Variants in GORASP2 observed in about 807,000 individuals in gnomAD.
GORASP2 encodes the protein Golgi reassembly-stacking protein 2.
In GORASP2, 22 loss-of-function variants were observed where a neutral mutation model predicts 45.7. The ratio of observed to expected loss-of-function variants is 0.48; its 90% CI spans 0.34 to 0.69. The LOEUF (loss-of-function observed/expected upper bound fraction) is 0.69, where lower values mean the gene tolerates loss of function less well. Ranked by LOEUF, GORASP2 falls within the 30% of genes least tolerant of loss-of-function variation. GORASP2 has a pLI of 0.01. For missense variants in GORASP2, 491 were observed against 562.7 expected, an observed-to-expected ratio of 0.87 and a Z score of 1.29; for synonymous variants, 221 against 215.6, an observed-to-expected ratio of 1.02 and a Z score of -0.22.
In GORASP2 at chr2:170,939,038, G is replaced by A. The variant is rs375767351; in HGVS notation, c.64-9312G>A. Among the ~76,000 whole-genome samples, 16 of 152,190 alleles carry A rather than the reference G, an allele frequency of 1.1e-4. 2 individuals carry two copies. Among genetic ancestry groups the A allele is most frequent in the Admixed American group, 7.2e-4 (11 of 15,282 alleles). On this transcript the variant is annotated intron_variant, in intron 1 of 9. Transcript: ENST00000234160. ...AGAGAAGTTAATCTGATTTGCCCAA[G>A]GTCACAGAGCAAGTTTTCTTTCCCT...
At chr2:170,930,629 A>G (rs369236942) in intron 1 of GORASP2, among the ~76,000 whole-genome samples, 26 of 152,002 alleles carry the variant, frequency 1.7e-4, no homozygotes, top group African/African-American at 5.8e-4. Context: ...CTCCTCTGCC[A>G]TACTCTTAGT....
At chr2:170,951,726 C>A in intron 5 of GORASP2, 1 of 202,928 alleles carries the variant, frequency 4.9e-6, no homozygotes, top group Non-Finnish European at 9.8e-6. Flanking sequence ...GCGCATAAGC[C>A]ATAATTATAG....
chr2:170,929,240 A>G (rs1414944240), upstream of GORASP2: 6 of 899,672 alleles, frequency 6.7e-6, no homozygotes, highest in South Asian at 3.5e-5. Context: ...GGCGGCAGCG[A>G]GTGCCACGTC....
Position 170,965,928 on chromosome 2 carries a change from C to A in GORASP2, c.1157C>A (p.Ser386Tyr). 2 of 1,613,886 alleles carry A rather than the reference C, an allele frequency of 1.2e-6. No homozygotes were observed. Among genetic ancestry groups the A allele is most frequent in the South Asian group, 1.1e-5 (1 of 91,070 alleles). Residue 386 changes from serine to tyrosine, a missense_variant, in exon 10 of 10, where the codon TCC becomes TAC. By Grantham distance (144) the Ser-to-Tyr change is moderately radical. Coordinates refer to ENST00000234160, the MANE Select transcript of GORASP2 (RefSeq NM_015530.5). The part of the protein sequence containing the change: ...SAASSGELLS[S>Y]LPPTSNAPSD... ...GCAAGCTCAGGAGAGCTGCTGTCTT[C>A]CCTCCCGCCCACCAGCAACGCACCC...
rs759996421 is a variant in GORASP2, at chr2:170,950,215, A to C, written c.360A>C (p.Ser120=). 6.4e-7 allele frequency: 1 copy of C among 1,553,778 alleles called. No individual in the cohort carries two copies. Among genetic ancestry groups the C allele is most frequent in the East Asian group, 2.3e-5 (1 of 43,536 alleles). ...TTATGTCATTCTAGGAGGTGGAATC[A>C]AATTCTCCTGCAGCACTGGCAGGTC... is the stretch of plus-strand genomic sequence containing the variant. ...ENVWHVLEVE[S]NSPAALAGLR... Residue 120 remains serine, a synonymous_variant, in exon 4 of 10, where the codon TCA becomes TCC. Transcript: ENST00000234160.
At chr2:170,954,415 T>C in intron 5 of GORASP2, 1 of 470,688 alleles carries the variant, frequency 2.1e-6, no homozygotes, top group Non-Finnish European at 3.8e-6. Context: ...ATATCCACAG[T>C]GGAGGGCAGG....
At chr2:170,947,081 T>C (rs571939666) in intron 1 of GORASP2, among the ~76,000 whole-genome samples, 17 of 152,358 alleles carry the variant, frequency 1.1e-4, no homozygotes, top group Non-Finnish European at 2.4e-4. Context: ...TTAAACCTTC[T>C]TGGAGTTATG....
chr2:170,956,100 T>C (rs1162334578), intron 6 of GORASP2, among the ~76,000 whole-genome samples: 1 of 152,160 alleles, frequency 6.6e-6, no homozygotes. Context: ...AGTGGTGGTT[T>C]AAAGGTTGAA....
At chr2:170,957,015 T>A (rs1418409294) in intron 7 of GORASP2, among the ~76,000 whole-genome samples, 1 of 152,258 alleles carries the variant, frequency 6.6e-6, no homozygotes, top group Non-Finnish European at 1.5e-5. Flanking sequence ...TGACAGGTCC[T>A]GGCTGTGAAA....
At chr2:170,951,797 A>G (rs1489226607) in intron 5 of GORASP2, among the ~76,000 whole-genome samples, 1 of 152,234 alleles carries the variant, frequency 6.6e-6, no homozygotes, top group Admixed American at 6.5e-5. Flanking sequence ...CATGCTGGGA[A>G]AAGGATAACT....
At chr2:170,965,753 C>A in intron 9 of GORASP2, 37 bp from the exon 10 acceptor site, 1 of 1,388,050 alleles carries the variant, frequency 7.2e-7, no homozygotes, top group Non-Finnish European at 1.0e-6. Flanking sequence ...CCTTTCAGTG[C>A]TGGGAGGATG....
chr2:170,946,277 A>G (rs1704180992), intron 1 of GORASP2, among the ~76,000 whole-genome samples: 1 of 152,188 alleles, frequency 6.6e-6, no homozygotes, highest in South Asian at 2.1e-4. Flanking sequence ...TTCTGGGATT[A>G]CAGGCATGAG....
intron 1 of GORASP2, among the ~76,000 whole-genome samples, chr2:170,943,434 A>T (rs1704119901): frequency 6.6e-6 from 1 of 152,196 alleles, no homozygotes; most frequent in Non-Finnish European, 1.5e-5. Context: ...GCCTTCTATC[A>T]TAGGCTTGAG....
chr2:170,951,624 G>C, intron 5 of GORASP2, 166 bp downstream of exon 5: 1 of 541,202 alleles, frequency 1.8e-6, no homozygotes, highest in South Asian at 2.6e-5. Flanking sequence ...TTTTTTTAAA[G>C]TACATATCTA....
chr2:170,966,152 T>G lies in GORASP2; in HGVS notation c.*22T>G, dbSNP rs1205841467. 1 of 1,554,866 alleles carries G rather than the reference T, an allele frequency of 6.4e-7. No homozygotes were observed. Among genetic ancestry groups the G allele is most frequent in the Non-Finnish European group, 8.9e-7 (1 of 1,126,078 alleles). On this transcript the variant is annotated 3_prime_UTR_variant, in exon 10 of 10. Coordinates refer to ENST00000234160, the MANE Select transcript of GORASP2 (RefSeq NM_015530.5). ...TTAACTTTGAACCATTCTTTGGAATTGGCGTGGTATATTTAACCACGGGAG... is the reference window on the plus strand; with the variant it reads ...TTAACTTTGAACCATTCTTTGGAATGGGCGTGGTATATTTAACCACGGGAG...
At chr2:170,953,581 C>T (rs1005558374) in intron 5 of GORASP2, among the ~76,000 whole-genome samples, 4 of 152,054 alleles carry the variant, frequency 2.6e-5, no homozygotes, top group Admixed American at 1.3e-4. Context: ...CCTTAAATAC[C>T]ACGGTCAGGA....
chr2:170,932,445 C>T (rs1011138975), intron 1 of GORASP2, among the ~76,000 whole-genome samples: 2 of 152,196 alleles, frequency 1.3e-5, no homozygotes, highest in African/African-American at 2.4e-5. Flanking sequence ...TGGTGTTGAA[C>T]ATTTGGTTAT....
chr2:170,939,148 A>G (rs921199482), intron 1 of GORASP2, among the ~76,000 whole-genome samples: 1 of 152,220 alleles, frequency 6.6e-6, no homozygotes, highest in Non-Finnish European at 1.5e-5. Flanking sequence ...AGCAAACTTC[A>G]ATTTCTTTCG....
At chr2:170,957,733 G>T (rs1014428250) in intron 7 of GORASP2, among the ~76,000 whole-genome samples, 8 of 152,278 alleles carry the variant, frequency 5.3e-5, no homozygotes, top group East Asian at 3.9e-4. Flanking sequence ...TAGTGTATTT[G>T]TAGAGTTGTA....
Sources: gnomAD v4.1 joint callset for allele counts (sites outside exome capture counted in the v4.1 genomes callset) on GRCh38, gnomAD v4.1.1 for gene constraint, MANE v1.5 for transcripts, NCBI Gene and HGNC (gene_info 2026-07-23, HGNC 2026-07-21) for gene names.